The following NBAS variants were observed in gnomAD, a reference collection of about 807,000 sequenced individuals.
The protein encoded by NBAS is NBAS subunit of NRZ tethering complex, also known as NAG/BC035112 fusion.
A neutral mutation model predicts 302.5 loss-of-function variants in NBAS; 219 were observed. The ratio of observed to expected loss-of-function variants is 0.72; its 90% CI spans 0.65 to 0.81. The LOEUF is 0.81. Ranked by LOEUF, NBAS falls within the 30% of genes least tolerant of loss-of-function variation. The probability of loss-of-function intolerance (pLI) is 0.00; values close to 1 mark genes in which losing one functional copy is unlikely to be tolerated. For missense variants in NBAS, 2,932 were observed against 2,841.6 expected, an observed-to-expected ratio of 1.03 and a Z score of -0.72; for synonymous variants, 1,118 against 1,021.6, an observed-to-expected ratio of 1.09 and a Z score of -1.80.
intron 12 of NBAS, among the ~76,000 whole-genome samples, chr2:15,484,025 G>A (rs918669106): frequency 3.3e-5 from 5 of 152,262 alleles, no homozygotes; most frequent in African/African-American, 1.2e-4. Context: ...CTAGAGACAT[G>A]AAAGAAGAGT....
chr2:15,016,898 T>C, the NBAS span, among the ~76,000 whole-genome samples: 37 of 152,210 alleles, frequency 2.4e-4, no homozygotes, highest in African/African-American at 8.2e-4. Context: ...GTACATGAGA[T>C]GGTTTGATAT....
chr2:15,284,210 G>T (rs1285403607), intron 42 of NBAS, among the ~76,000 whole-genome samples: 1 of 150,644 alleles, frequency 6.6e-6, no homozygotes, highest in African/African-American at 2.4e-5. Context: ...GTGTTCATGA[G>T]AATTATCTCT....
chr2:15,065,871 T>C, the NBAS span, among the ~76,000 whole-genome samples: 77,237 of 151,948 alleles, frequency 0.51, 21,898 homozygotes, highest in Non-Finnish European at 0.62. Flanking sequence ...ATGACATTTT[T>C]TACAGACATA....
At chr2:15,484,564 T>C (rs1680550449) in intron 12 of NBAS, among the ~76,000 whole-genome samples, 1 of 152,210 alleles carries the variant, frequency 6.6e-6, no homozygotes, top group African/African-American at 2.4e-5. Flanking sequence ...CATGGGTTAA[T>C]AGGGTTGTTG....
chr2:14,908,159 C>A, the NBAS span, among the ~76,000 whole-genome samples: 1 of 152,252 alleles, frequency 6.6e-6, no homozygotes, highest in Non-Finnish European at 1.5e-5. Flanking sequence ...GTCAGGAGAT[C>A]GAGACCATCC....
intron 3 of NBAS, among the ~76,000 whole-genome samples, chr2:15,555,161 G>A (rs1386176391): frequency 6.6e-6 from 1 of 151,916 alleles, no homozygotes; most frequent in Non-Finnish European, 1.5e-5. Context: ...TAAGGCAGGA[G>A]GATTGCTTGA....
the NBAS span, among the ~76,000 whole-genome samples, chr2:14,940,868 A>T: frequency 6.6e-6 from 1 of 152,186 alleles, no homozygotes. Flanking sequence ...CCACATTGCA[A>T]TAAATACCTG....
At chr2:14,945,026 A>T in the NBAS span, among the ~76,000 whole-genome samples, 1 of 152,218 alleles carries the variant, frequency 6.6e-6, no homozygotes, top group South Asian at 2.1e-4. Context: ...GACCATCCCC[A>T]TCCCTGGAAA....
At chr2:15,327,970 T>A in intron 37 of NBAS, 100 bp from the exon 38 acceptor site, 2 of 1,495,310 alleles carry the variant, frequency 1.3e-6, no homozygotes, top group Non-Finnish European at 1.9e-6. Context: ...TCTGGTGACT[T>A]GAATAATAAC....
chr2:15,240,022 TG>T (rs1667789052), intron 44 of NBAS, among the ~76,000 whole-genome samples: 1 of 152,192 alleles, frequency 6.6e-6, no homozygotes, highest in South Asian at 2.1e-4. Context: ...CAGGCCTCAC[TG>T]ATTTGTGCTG....
the NBAS span, among the ~76,000 whole-genome samples, chr2:14,874,522 C>G: frequency 1.3e-5 from 2 of 151,116 alleles, no homozygotes; most frequent in Middle Eastern, 3.4e-3. Context: ...CGCCTGTAGT[C>G]CCAGCTACTT....
chr2:15,313,374 CAAG>C (rs1448771961), intron 38 of NBAS, among the ~76,000 whole-genome samples: 9 of 152,266 alleles, frequency 5.9e-5, no homozygotes, highest in South Asian at 2.1e-4. Flanking sequence ...AAAAATCCTG[CAAG>C]AAGATAGTAT....
At chr2:15,247,997 C>T (rs148823262) in intron 44 of NBAS, among the ~76,000 whole-genome samples, 2,007 of 152,136 alleles carry the variant, frequency 0.013, 39 homozygotes, top group African/African-American at 0.045. Flanking sequence ...CAACAGAATA[C>T]GCATTCTTCT....
intron 42 of NBAS, among the ~76,000 whole-genome samples, chr2:15,285,207 A>G (rs1669984148): frequency 6.6e-6 from 1 of 152,258 alleles, no homozygotes; most frequent in Non-Finnish European, 1.5e-5. Flanking sequence ...ATACTTAAAA[A>G]GGAAATGTTA....
At chr2:15,414,719 C>T (rs1572811556) in intron 25 of NBAS, among the ~76,000 whole-genome samples, 1 of 152,010 alleles carries the variant, frequency 6.6e-6, no homozygotes. Flanking sequence ...CCGAGGCAGG[C>T]GGATCACCTG....
At chr2:14,876,564 C>A in the NBAS span, among the ~76,000 whole-genome samples, 1 of 152,222 alleles carries the variant, frequency 6.6e-6, no homozygotes, top group African/African-American at 2.4e-5. Flanking sequence ...ACTTAGGAAT[C>A]ATTCCTGTGT....
chr2:15,415,394 G>A (rs1032691595), intron 25 of NBAS, 152 bp downstream of exon 25: 1 of 762,152 alleles, frequency 1.3e-6, no homozygotes, highest in East Asian at 2.7e-5. Flanking sequence ...TGACTATGCT[G>A]TTAAAACTTT....
At chr2:14,978,673 G>A in the NBAS span, among the ~76,000 whole-genome samples, 290 of 152,302 alleles carry the variant, frequency 1.9e-3, 3 homozygotes, top group South Asian at 6.0e-3. Context: ...CTGAGGTCAA[G>A]AGAGGTTGGG....
the NBAS span, among the ~76,000 whole-genome samples, chr2:14,936,383 T>C: frequency 6.6e-6 from 1 of 152,230 alleles, no homozygotes; most frequent in Non-Finnish European, 1.5e-5. Flanking sequence ...AGTATAAATA[T>C]GCTAGGACAC....
Sources: allele counts gnomAD v4.1 joint callset (sites outside exome capture counted in the v4.1 genomes callset), GRCh38; gene constraint gnomAD v4.1.1; transcripts MANE v1.5; gene names NCBI Gene and HGNC (gene_info 2026-07-23, HGNC 2026-07-21).